Variants in PHLPP1 observed in about 807,000 individuals in gnomAD.
The protein encoded by PHLPP1 is PH domain and leucine rich repeat protein phosphatase 1.
PHLPP1 carries 42 observed loss-of-function variants against 117.2 expected under a neutral mutation model. The observed-to-expected ratio is 0.36, with a 90% CI of 0.28 to 0.46. PHLPP1 has a LOEUF of 0.46. PHLPP1 is among the 20% of genes least tolerant of loss of function. The probability of loss-of-function intolerance (pLI) is 1.00; values close to 1 mark genes in which losing one functional copy is unlikely to be tolerated. For missense variants in PHLPP1, 2,084 were observed against 2,241.9 expected, an observed-to-expected ratio of 0.93 and a Z score of 1.42; for synonymous variants, 1,042 against 970.7, an observed-to-expected ratio of 1.07 and a Z score of -1.37.
intron 10 of PHLPP1, among the ~76,000 whole-genome samples, chr18:62,934,298 A>G (rs1457291409): frequency 6.6e-5 from 10 of 152,186 alleles, no homozygotes; most frequent in South Asian, 2.1e-4. Context: ...ACTATTCACA[A>G]TAGCAAAGTC....
chr18:62,788,271 T>G (rs886651132), intron 1 of PHLPP1, among the ~76,000 whole-genome samples: 6 of 152,106 alleles, frequency 3.9e-5, no homozygotes, highest in Non-Finnish European at 5.9e-5. Context: ...CTGGGCACAC[T>G]TGTATTTTTC....
chr18:62,879,940 T>C (rs1227065374), intron 4 of PHLPP1, among the ~76,000 whole-genome samples: 1 of 152,162 alleles, frequency 6.6e-6, no homozygotes, highest in Non-Finnish European at 1.5e-5. Flanking sequence ...GGTAAAAGTT[T>C]TCACTTTTGT....
intron 10 of PHLPP1, among the ~76,000 whole-genome samples, chr18:62,937,265 T>A (rs1910002420): frequency 6.6e-6 from 1 of 152,262 alleles, no homozygotes; most frequent in African/African-American, 2.4e-5. Context: ...TTTGTCTCAC[T>A]GTTGTTGCGG....
intron 1 of PHLPP1, among the ~76,000 whole-genome samples, chr18:62,766,103 A>ATATATATATATATAT (rs1491171718): frequency 1.9e-4 from 10 of 53,360 alleles, no homozygotes; most frequent in Admixed American, 4.6e-4. Flanking sequence ...ATATATATAT[A>ATATATATATATATAT]AAATATATAT....
In PHLPP1 at chr18:62,975,433, C is replaced by T. The variant is rs143156237; in HGVS notation, c.3792C>T (p.Ala1264=). ...LGTAGQKLGG[A]AVLCHIKHDP... ...CTGCTGGGCAGAAGCTTGGTGGTGC[C>T]GCTGTCCTTTGTCATATCAAGCATG... The change falls in exon 16 of 17, where the codon GCC becomes GCT. Residue 1264 remains alanine (A), a synonymous_variant. Transcript: ENST00000262719. The T allele has an allele frequency of 5.0e-4, 811 of 1,613,718 alleles. 7 individuals are homozygous for T. The African/African-American group carries it at 7.1e-3, about 14-fold the overall frequency.
chr18:62,849,198 A>G (rs916630584), intron 3 of PHLPP1, among the ~76,000 whole-genome samples: 17 of 152,206 alleles, frequency 1.1e-4, no homozygotes, highest in African/African-American at 2.9e-4. Flanking sequence ...AGCAGACTGA[A>G]CTGTTTTCAA....
At chr18:62,861,511 A>G (rs1246425029) in intron 4 of PHLPP1, among the ~76,000 whole-genome samples, 2 of 152,260 alleles carry the variant, frequency 1.3e-5, no homozygotes, top group African/African-American at 4.8e-5. Context: ...AGCAGTGATC[A>G]GTCTTCATTC....
chr18:62,840,503 A>G (rs1915022583), intron 3 of PHLPP1, among the ~76,000 whole-genome samples: 1 of 152,186 alleles, frequency 6.6e-6, no homozygotes, highest in Non-Finnish European at 1.5e-5. Context: ...GATATTAAAT[A>G]CCATTGGGCT....
At chr18:62,822,338 G>A (rs1914491533) in intron 1 of PHLPP1, among the ~76,000 whole-genome samples, 1 of 141,408 alleles carries the variant, frequency 7.1e-6, no homozygotes, top group Non-Finnish European at 1.5e-5. Context: ...CTGGAGTGCA[G>A]TGGCATGATC....
chr18:62,951,500 A>G (rs1049453255), intron 12 of PHLPP1, among the ~76,000 whole-genome samples: 5 of 152,302 alleles, frequency 3.3e-5, no homozygotes, highest in African/African-American at 1.2e-4. Context: ...CTCAGTCCTC[A>G]GAAGAAGTGA....
chr18:62,834,928 T>C (rs982673640), intron 2 of PHLPP1, among the ~76,000 whole-genome samples: 1 of 152,166 alleles, frequency 6.6e-6, no homozygotes, highest in Non-Finnish European at 1.5e-5. Context: ...TCAATTTGTT[T>C]ACACAGCATT....
chr18:62,782,197 A>G (rs1913138851), intron 1 of PHLPP1, among the ~76,000 whole-genome samples: 2 of 152,220 alleles, frequency 1.3e-5, no homozygotes, highest in Admixed American at 6.5e-5. Context: ...CTCTTGCTCA[A>G]CTGGAGGATG....
At chr18:62,746,837 A>G (rs542526692) in intron 1 of PHLPP1, among the ~76,000 whole-genome samples, 2 of 152,196 alleles carry the variant, frequency 1.3e-5, no homozygotes, top group East Asian at 1.9e-4. Context: ...GTGCATAGCA[A>G]TGTGATTTAT....
intron 1 of PHLPP1, among the ~76,000 whole-genome samples, chr18:62,721,328 T>A (rs913343170): frequency 6.6e-6 from 1 of 152,166 alleles, no homozygotes; most frequent in African/African-American, 2.4e-5. Context: ...TAGTTCTTTA[T>A]TCTCTTATTC....
At chr18:62,827,010 T>TAAATA (rs1328648745) in intron 1 of PHLPP1, among the ~76,000 whole-genome samples, 1 of 151,898 alleles carries the variant, frequency 6.6e-6, no homozygotes, top group Non-Finnish European at 1.5e-5. Flanking sequence ...AAAAAATAAA[T>TAAATA]AAATAAAATA....
At position 62,791,089 on chromosome 18, in the gene PHLPP1, C is replaced by T. The variant is rs79057567; in HGVS notation, c.1577-38946C>T. Reference sequence around the variant, plus strand: ...GCCTGGAGCACTAAGAGGCTCTTTCCGACAGTTCCCAAGACAAGCAAAGAC... The same window carrying T: ...GCCTGGAGCACTAAGAGGCTCTTTCTGACAGTTCCCAAGACAAGCAAAGAC... On this transcript the variant is annotated intron_variant, in intron 1 of 16. Coordinates refer to ENST00000262719, the MANE Select transcript of PHLPP1 (RefSeq NM_194449.4). Among the ~76,000 whole-genome samples the T allele has an allele frequency of 5.4e-3, 817 of 152,022 alleles. 33 individuals are homozygous for T. The highest frequency in any genetic ancestry group is 0.042 in the Admixed American group (644 of 15,238).
At chr18:62,896,918 A>G (rs1916577872) in intron 6 of PHLPP1, among the ~76,000 whole-genome samples, 2 of 152,258 alleles carry the variant, frequency 1.3e-5, no homozygotes, top group African/African-American at 4.8e-5. Context: ...ATTTGCAGAT[A>G]TAAAATTCTT....
intron 13 of PHLPP1, among the ~76,000 whole-genome samples, chr18:62,960,118 AT>A (rs1910724368): frequency 6.6e-6 from 1 of 152,176 alleles, no homozygotes; most frequent in Non-Finnish European, 1.5e-5. Context: ...ATTTTTGAGC[AT>A]TTTTTTACAA....
intron 14 of PHLPP1, among the ~76,000 whole-genome samples, chr18:62,971,131 G>A (rs779897452): frequency 7.9e-5 from 12 of 152,062 alleles, no homozygotes; most frequent in Non-Finnish European, 1.0e-4. Context: ...TCTACCTCCC[G>A]CCTTTGTTCC....
Sources: gnomAD v4.1 joint callset for allele counts (sites outside exome capture counted in the v4.1 genomes callset) on GRCh38, gnomAD v4.1.1 for gene constraint, MANE v1.5 for transcripts, NCBI Gene and HGNC (gene_info 2026-07-23, HGNC 2026-07-21) for gene names.